Variants in TRIM26 observed in about 807,000 individuals in gnomAD.
TRIM26 encodes tripartite motif-containing protein 26.
In TRIM26, 16 loss-of-function variants were observed where a neutral mutation model predicts 45.5. The observed-to-expected ratio is 0.35, with a 90% confidence interval of 0.24 to 0.53. The LOEUF (loss-of-function observed/expected upper bound fraction) is 0.53. Ranked by LOEUF, TRIM26 falls within the 20% of genes least tolerant of loss-of-function variation. The pLI is 0.92. For synonymous variants in TRIM26, 273 were observed against 290.4 expected (o/e 0.94, Z 0.61); for missense variants, 442 against 691.1 (o/e 0.64, Z 4.04).
Position 30,198,647 on chromosome 6 carries a change from G to A in TRIM26, c.438+19C>T, listed in dbSNP as rs775470885. The A allele has an allele frequency of 1.6e-5, 26 of 1,603,468 alleles. No individual in the cohort carries two copies. The highest frequency in any genetic ancestry group is 3.3e-5 in the South Asian group (3 of 90,844). ...CCAGAGAAGGTGGCAAGGCACCCTC[G>A]GGGGTGAAGAGGGCTTACCCTGTGG... On this transcript the variant is annotated intron_variant, in intron 4 of 9. Coordinates refer to ENST00000454678, the MANE Select transcript of TRIM26 (RefSeq NM_003449.5). The surrounding 1 kb of genome is among the most constrained non-coding windows in gnomAD (Gnocchi z 6.3).
chr6:30,189,298 A>T lies in TRIM26; in HGVS notation c.905-99T>A. On this transcript the variant is annotated intron_variant, in intron 8 of 9. Transcript: ENST00000454678. This position sits in a 1 kb window ranked among gnomAD's most constrained non-coding sequence, Gnocchi z 5.0. ...AATTTCCTGATAGGGATCCATGTCT[A>T]AGACAAGAGGCCCTCAGAAGAGTGA... 1 of 1,582,422 alleles carries T rather than the reference A, an allele frequency of 6.3e-7. No homozygotes were observed. The highest frequency in any genetic ancestry group is 8.7e-7 in the Non-Finnish European group (1 of 1,152,214).
chr6:30,201,343 C>T (rs911854667), intron 2 of TRIM26, among the ~76,000 whole-genome samples: 12 of 151,968 alleles, frequency 7.9e-5, no homozygotes, highest in Non-Finnish European at 1.3e-4. Flanking sequence ...TGTTTTATAA[C>T]GTAAAAGGAC....
Position 30,194,727 on chromosome 6 carries a change from C to T in TRIM26, c.765+1789G>A, listed in dbSNP as rs558489530. Among the ~76,000 whole-genome samples the T allele has an allele frequency of 2.6e-3, 394 of 152,104 alleles. 2 individuals carry two copies. Among genetic ancestry groups the T allele is most frequent in the African/African-American group, 8.3e-3 (343 of 41,482 alleles). On this transcript the variant is annotated intron_variant, in intron 6 of 9. Transcript: ENST00000454678. ...GAAAATAGCCAGGTGTGGTGATGTG[C>T]GCCTGTAATCCCAGCTATTTGGGAG... is the stretch of plus-strand genomic sequence containing the variant.
rs561872891 is a variant in TRIM26, at chr6:30,185,558, G to A, written c.*318C>T. On this transcript the variant is annotated 3_prime_UTR_variant, in exon 10 of 10. Coordinates refer to ENST00000454678, the MANE Select transcript of TRIM26 (RefSeq NM_003449.5). This position sits in a 1 kb window ranked among gnomAD's most constrained non-coding sequence, Gnocchi z 5.7. ...ACACTGGGCAAGAAAATGCTGCATC[G>A]GGCCCTTATTCCAGAGAGTGCAGAG... 2.9e-5 allele frequency: 11 copies of A among 381,792 alleles called. No individual in the cohort carries two copies. The highest frequency in any genetic ancestry group is 9.2e-5 in the South Asian group (1 of 10,848). 23.7% of individuals were successfully genotyped at this position (381,792 alleles called of 1,614,324 possible).
intron 2 of TRIM26, among the ~76,000 whole-genome samples, chr6:30,204,147 C>T (rs1777482249): frequency 6.6e-6 from 1 of 152,170 alleles, no homozygotes; most frequent in Non-Finnish European, 1.5e-5. Flanking sequence ...CAATCCCTTC[C>T]CTTGCTTATA....
rs1277617165 is a variant in TRIM26 at position 30,190,302 on chromosome 6, G to C, written c.766-267C>G. On this transcript the variant is annotated intron_variant, in intron 6 of 9. Coordinates refer to ENST00000454678, the MANE Select transcript of TRIM26 (RefSeq NM_003449.5). This position sits in a 1 kb window ranked among gnomAD's most constrained non-coding sequence, Gnocchi z 4.3. ...ACCTGCGCAGAGAATTGACGGATAA[G>C]AAGTACTGGCCGGATGAAGAGAGGT... The C allele has an allele frequency of 1.7e-6, 1 of 571,842 alleles. No homozygotes were observed. The highest frequency in any genetic ancestry group is 3.1e-6 in the Non-Finnish European group (1 of 320,682). The allele number at this position is 571,842 out of a possible 1,614,324, so 35.4% of individuals were successfully genotyped here.
At chr6:30,212,391 T>C (rs1778372260) in intron 1 of TRIM26, among the ~76,000 whole-genome samples, 1 of 152,202 alleles carries the variant, frequency 6.6e-6, no homozygotes, top group Admixed American at 6.5e-5. Flanking sequence ...ACTATGGACT[T>C]TGGTCAATAA....
intron 3 of TRIM26, among the ~76,000 whole-genome samples, 160 bp downstream of exon 3, chr6:30,200,875 C>G (rs1161355631): frequency 6.6e-6 from 1 of 152,188 alleles, no homozygotes; most frequent in Non-Finnish European, 1.5e-5. Flanking sequence ...AGACGGAAAT[C>G]TAGGAGAGAA....
At position 30,207,381 on chromosome 6, in the gene TRIM26, G is replaced by T. The variant is rs575678715; in HGVS notation, c.-375-2616C>A. On this transcript the variant is annotated intron_variant, in intron 1 of 9. Transcript: ENST00000454678. The surrounding 1 kb of genome is among the most constrained non-coding windows in gnomAD (Gnocchi z 4.9). ...TACCAGAACTTACATCCAGTGACCT[G>T]AGGAATCCTTTAGAAGCTGAAATCA... Among the ~76,000 whole-genome samples the T allele has an allele frequency of 2.6e-5, 4 of 152,198 alleles. No homozygotes were observed. The highest frequency in any genetic ancestry group is 5.9e-5 in the Non-Finnish European group (4 of 68,032).
chr6:30,203,561 G>A (rs1235051773), intron 2 of TRIM26, among the ~76,000 whole-genome samples: 1 of 151,942 alleles, frequency 6.6e-6, no homozygotes, highest in Non-Finnish European at 1.5e-5. Context: ...GATTACAGGT[G>A]CCCACCACCA....
At position 30,198,310 on chromosome 6, in the gene TRIM26, A is replaced by G. The variant is rs2127509322; in HGVS notation, c.534+119T>C. The G allele has an allele frequency of 9.4e-7, 1 of 1,066,248 alleles. No individual in the cohort carries two copies. The highest frequency in any genetic ancestry group is 2.4e-5 in the East Asian group (1 of 42,224). 66.0% of individuals were successfully genotyped at this position (1,066,248 alleles called of 1,614,324 possible). On this transcript the variant is annotated intron_variant, in intron 5 of 9. Coordinates refer to ENST00000454678, the MANE Select transcript of TRIM26 (RefSeq NM_003449.5). The surrounding 1 kb of genome is among the most constrained non-coding windows in gnomAD (Gnocchi z 6.3). ...CCAGGTCTGCTACTGCCAGGCTGACACCCATCCTCCCTGTGAGCAGCGCCT... is the reference window on the plus strand; with the variant it reads ...CCAGGTCTGCTACTGCCAGGCTGACGCCCATCCTCCCTGTGAGCAGCGCCT...
Position 30,186,158 on chromosome 6 carries a change from C to T in TRIM26, c.1338G>A (p.Val446=). ...SCMVGVARDS[V]KRKGDLSLRP... ...GCAGGGAGAGGTCTCCCTTCCTCTT[C>T]ACAGAGTCTCTAGCCACCCCCACCA... The change falls in exon 10 of 10, where the codon GTG becomes GTA. Residue 446 remains valine (V), a synonymous_variant. Transcript: ENST00000454678. This position sits in a 1 kb window ranked among gnomAD's most constrained non-coding sequence, Gnocchi z 7.4. 6.3e-7 allele frequency: 1 copy of T among 1,595,738 alleles called. No homozygotes were observed. The highest frequency in any genetic ancestry group is 8.5e-7 in the Non-Finnish European group (1 of 1,170,716).
At chr6:30,193,162 G>GTGTATATATATATATA (rs1461878897) in intron 6 of TRIM26, among the ~76,000 whole-genome samples, 1 of 32,002 alleles carries the variant, frequency 3.1e-5, no homozygotes, top group African/African-American at 1.7e-4. Context: ...GTGTGTGTGT[G>GTGTATATATATATATA]TATATATATA....
At position 30,198,847 on chromosome 6, in the gene TRIM26, C is replaced by A. The variant is rs145169790; in HGVS notation, c.257G>T (p.Gly86Val). 23 of 1,612,984 alleles carry A rather than the reference C, an allele frequency of 1.4e-5. No individual in the cohort carries two copies. Among genetic ancestry groups the A allele is most frequent in the Non-Finnish European group, 1.7e-5 (20 of 1,180,028 alleles). The change falls in exon 4 of 10, where the codon GGC (glycine) becomes GTC (valine). Residue 86 changes from glycine (G) to valine (V), a missense_variant. Coordinates refer to ENST00000454678, the MANE Select transcript of TRIM26 (RefSeq NM_003449.5). This position sits in a 1 kb window ranked among gnomAD's most constrained non-coding sequence, Gnocchi z 6.3. ...ENIERLKVDK[G>V]RQPGEVTREQ... ...CCGGGTCACCTCTCCCGGCTGCCTG[C>A]CCTTGTCCACCTTCAGCCGCTCAAT... is the stretch of plus-strand genomic sequence containing the variant.
rs377289207 is a variant in TRIM26, at chr6:30,206,188, G to A, written c.-375-1423C>T. 4.0e-4 allele frequency among the ~76,000 whole-genome samples: 61 copies of A among 152,342 alleles called. 1 individual carries two copies. Among genetic ancestry groups the A allele is most frequent in the Middle Eastern group, 6.8e-3 (2 of 292 alleles). ...AGACACCTCTAACAAACCTGGAGAG[G>A]CCAGAATTCGGGGCAAAAAGCAAGT... On this transcript the variant is annotated intron_variant, in intron 1 of 9. Transcript: ENST00000454678.
rs544574425 is a variant in TRIM26, at chr6:30,190,030, C to T, written c.771G>A (p.Thr257=). 1.7e-5 allele frequency: 27 copies of T among 1,612,898 alleles called. No individual in the cohort carries two copies. Among genetic ancestry groups the T allele is most frequent in the South Asian group, 8.8e-5 (8 of 91,062 alleles). The change falls in exon 7 of 10, where the codon ACG becomes ACA. Residue 257 remains threonine (T), a synonymous_variant. Transcript: ENST00000454678. This position sits in a 1 kb window ranked among gnomAD's most constrained non-coding sequence, Gnocchi z 4.3. ...QQPAAELMQD[T]RDFLNRYPRK... is the part of the protein sequence containing the mutation. ...TCTTTTACCTGTTTAGGAAGTCTCTCGTGTCCTAGAAGGGAAAGAAAAAAG... is the reference window on the plus strand; with the variant it reads ...TCTTTTACCTGTTTAGGAAGTCTCTTGTGTCCTAGAAGGGAAAGAAAAAAG...
At chr6:30,197,770 C>T (rs1296457597) in intron 5 of TRIM26, among the ~76,000 whole-genome samples, 1 of 152,154 alleles carries the variant, frequency 6.6e-6, no homozygotes, top group African/African-American at 2.4e-5. Flanking sequence ...ATAGCTGTTA[C>T]ACTGAATTGT....
At position 30,209,372 on chromosome 6, in the gene TRIM26, T is replaced by G. The variant is rs1309971039; in HGVS notation, c.-376+3933A>C. Among the ~76,000 whole-genome samples, 1 of 152,186 alleles carries G rather than the reference T, an allele frequency of 6.6e-6. No individual in the cohort carries two copies. The highest frequency in any genetic ancestry group is 6.5e-5 in the Admixed American group (1 of 15,288). On this transcript the variant is annotated intron_variant, in intron 1 of 9. Coordinates refer to ENST00000454678, the MANE Select transcript of TRIM26 (RefSeq NM_003449.5). This position sits in a 1 kb window ranked among gnomAD's most constrained non-coding sequence, Gnocchi z 4.8. ...ATTTGGTGGTGCTGTGGTTTGAACATGTCCCCCAAAAGTTCACGTGTTGGA... is the reference window on the plus strand; with the variant it reads ...ATTTGGTGGTGCTGTGGTTTGAACAGGTCCCCCAAAAGTTCACGTGTTGGA...
In TRIM26 at chr6:30,209,102, GCTTCTGTT is replaced by G. The variant is rs991904295; in HGVS notation, c.-376+4195_-376+4202del. On this transcript the variant is annotated intron_variant, in intron 1 of 9. Transcript: ENST00000454678. The surrounding 1 kb of genome is among the most constrained non-coding windows in gnomAD (Gnocchi z 4.8). ...GGAGAGAAGGGGAAGGGCCCACCCA[GCTTCTGTT>G]CTTCTTTCCCTTGGTAACTTACCAT... is the stretch of plus-strand genomic sequence containing the variant. Among the ~76,000 whole-genome samples, 2 of 152,242 alleles carry G rather than the reference GCTTCTGTT, an allele frequency of 1.3e-5. No individual in the cohort carries two copies. Among genetic ancestry groups the G allele is most frequent in the African/African-American group, 4.8e-5 (2 of 41,524 alleles).
Sources: gnomAD v4.1 joint callset for allele counts (sites outside exome capture counted in the v4.1 genomes callset) on GRCh38, gnomAD v4.1.1 for gene constraint, Gnocchi (gnomAD v3.1) non-coding constraint, MANE v1.5 for transcripts, NCBI Gene and HGNC (gene_info 2026-07-23, HGNC 2026-07-21) for gene names.